The following FYN variants were observed in gnomAD, a reference collection of about 807,000 sequenced individuals.
FYN encodes tyrosine-protein kinase Fyn.
Under a neutral mutation model 70.2 loss-of-function variants are expected in FYN, and 10 were observed. That is an observed-to-expected ratio of 0.14 (90% CI 0.09 to 0.24). FYN has a LOEUF of 0.24. Ranked by LOEUF, FYN falls within the 10% of genes least tolerant of loss-of-function variation. The pLI is 1.00. For missense variants in FYN, 319 were observed against 673.1 expected, an observed-to-expected ratio of 0.47 and a Z score of 5.82; for synonymous variants, 236 against 248.6, an observed-to-expected ratio of 0.95 and a Z score of 0.48.
At chr6:111,742,337 A>G (rs1266910833) in intron 3 of FYN, among the ~76,000 whole-genome samples, 2 of 152,206 alleles carry the variant, frequency 1.3e-5, no homozygotes, top group Non-Finnish European at 2.9e-5. Flanking sequence ...GTGGCAAATC[A>G]ACATCTTCCA....
At chr6:111,687,799 A>G (rs1279674215) in intron 12 of FYN, among the ~76,000 whole-genome samples, 3 of 152,180 alleles carry the variant, frequency 2.0e-5, no homozygotes, top group African/African-American at 4.8e-5. Flanking sequence ...ATACAATTCT[A>G]TGATATAGAT....
At chr6:111,707,235 C>T (rs933034634) in intron 6 of FYN, among the ~76,000 whole-genome samples, 1 of 152,208 alleles carries the variant, frequency 6.6e-6, no homozygotes, top group African/African-American at 2.4e-5. Flanking sequence ...CAGTTCTTCC[C>T]CTTGGGAGTG....
At chr6:111,717,134 G>C (rs1718319402) in intron 4 of FYN, among the ~76,000 whole-genome samples, 1 of 152,008 alleles carries the variant, frequency 6.6e-6, no homozygotes, top group Admixed American at 6.6e-5. Context: ...CTTGCCAGTG[G>C]TAACTTATTT....
intron 12 of FYN, among the ~76,000 whole-genome samples, chr6:111,681,079 G>A (rs1448468327): frequency 6.7e-6 from 1 of 149,938 alleles, no homozygotes; most frequent in East Asian, 2.0e-4. Flanking sequence ...CCAGGCTGGA[G>A]TGCAGTGGTG....
chr6:111,723,892 A>G (rs998523821), intron 3 of FYN, among the ~76,000 whole-genome samples: 11 of 152,262 alleles, frequency 7.2e-5, no homozygotes, highest in African/African-American at 2.6e-4. Flanking sequence ...GGAGCCCTGG[A>G]GTTACTCTGA....
chr6:111,698,737 G>C (rs1799690442), intron 9 of FYN, among the ~76,000 whole-genome samples: 1 of 152,156 alleles, frequency 6.6e-6, no homozygotes, highest in Admixed American at 6.5e-5. Context: ...TCTACTATCT[G>C]CAAGGGACTT....
chr6:111,775,962 C>T (rs1349941189), intron 3 of FYN, among the ~76,000 whole-genome samples: 2 of 152,158 alleles, frequency 1.3e-5, no homozygotes, highest in Admixed American at 6.5e-5. Context: ...AGCATTTCTC[C>T]AGCCCCTAGG....
At chr6:111,700,311 A>C (rs201214462) in intron 8 of FYN, 43 bp from the exon 9 acceptor site, 2 of 1,601,106 alleles carry the variant, frequency 1.2e-6, no homozygotes, top group East Asian at 4.5e-5. Context: ...AGAAGAGCAG[A>C]ACACATGTAA....
At chr6:111,834,512 G>C (rs1773117057) in intron 2 of FYN, among the ~76,000 whole-genome samples, 1 of 152,132 alleles carries the variant, frequency 6.6e-6, no homozygotes, top group Non-Finnish European at 1.5e-5. Flanking sequence ...TCAAACAGAA[G>C]ACTCAACATT....
intron 13 of FYN, among the ~76,000 whole-genome samples, chr6:111,664,158 C>T (rs537372892): frequency 3.9e-5 from 6 of 152,166 alleles, no homozygotes; most frequent in Non-Finnish European, 7.4e-5. Flanking sequence ...TTTGCCTTGC[C>T]GCATCTTTTA....
Position 111,781,286 on chromosome 6 carries a change from G to C in FYN, c.-81-651C>G, listed in dbSNP as rs541920489. On this transcript the variant is annotated intron_variant, in intron 2 of 13. Transcript: ENST00000354650. ...CTTCTTCACCTCCACTGCAAACCTTGGCCCAGTCCAGCCCCGCAAGAATTT... is the reference window on the plus strand; with the variant it reads ...CTTCTTCACCTCCACTGCAAACCTTCGCCCAGTCCAGCCCCGCAAGAATTT... Among the ~76,000 whole-genome samples the C allele has an allele frequency of 4.0e-4, 61 of 152,134 alleles. 1 individual carries two copies. The highest frequency in any genetic ancestry group is 1.4e-3 in the African/African-American group (57 of 41,506).
intron 2 of FYN, among the ~76,000 whole-genome samples, chr6:111,821,090 G>C (rs1027270106): frequency 6.6e-6 from 1 of 152,098 alleles, no homozygotes; most frequent in African/African-American, 2.4e-5. Context: ...TGTAATACTT[G>C]ATAAAGGGAT....
chr6:111,705,798 G>C (rs1001280744), intron 6 of FYN, among the ~76,000 whole-genome samples: 3 of 152,106 alleles, frequency 2.0e-5, no homozygotes, highest in African/African-American at 4.8e-5. Context: ...GCAGTGAGCT[G>C]AGACAGGGCC....
intron 2 of FYN, among the ~76,000 whole-genome samples, chr6:111,805,206 C>CTGGCAA (rs1201339154): frequency 6.6e-6 from 1 of 152,174 alleles, no homozygotes; most frequent in Non-Finnish European, 1.5e-5. Context: ...AGCGAAGAGG[C>CTGGCAA]TGGCAACCAC....
At chr6:111,738,882 T>C (rs1269274574) in intron 3 of FYN, among the ~76,000 whole-genome samples, 1 of 152,120 alleles carries the variant, frequency 6.6e-6, no homozygotes, top group African/African-American at 2.4e-5. Context: ...AACTTCTTCT[T>C]GGTGGGGCGG....
chr6:111,702,472 C>A (rs775201933), intron 8 of FYN: 3 of 156,340 alleles, frequency 1.9e-5, no homozygotes, highest in Non-Finnish European at 4.2e-5. Flanking sequence ...TGCAGCTATT[C>A]CTGCAACAGT....
chr6:111,823,078 C>T (rs184237276), intron 2 of FYN, among the ~76,000 whole-genome samples: 8 of 152,354 alleles, frequency 5.3e-5, no homozygotes, highest in Non-Finnish European at 8.8e-5. Context: ...GATTATGTCC[C>T]TCTGTGTCTT....
chr6:111,699,255 C>T (rs1562478359), intron 9 of FYN, among the ~76,000 whole-genome samples: 2 of 152,314 alleles, frequency 1.3e-5, no homozygotes, highest in South Asian at 2.1e-4. Context: ...ATCTTACCTT[C>T]CCATTTCTTA....
intron 2 of FYN, among the ~76,000 whole-genome samples, chr6:111,786,369 T>C (rs922579121): frequency 1.3e-5 from 2 of 152,130 alleles, no homozygotes; most frequent in Non-Finnish European, 2.9e-5. Context: ...TTCATCCATG[T>C]CCCTACAAAG....
Sources: allele counts gnomAD v4.1 joint callset (sites outside exome capture counted in the v4.1 genomes callset), GRCh38; gene constraint gnomAD v4.1.1; transcripts MANE v1.5; gene names NCBI Gene and HGNC (gene_info 2026-07-23, HGNC 2026-07-21).